The following NFIB variants were observed in gnomAD, a reference collection of about 807,000 sequenced individuals.
NFIB encodes the protein nuclear factor 1 B-type.
A neutral mutation model predicts 61.5 loss-of-function variants in NFIB; 11 were observed. The ratio of observed to expected loss-of-function variants is 0.18; its 90% CI spans 0.11 to 0.30. The LOEUF (loss-of-function observed/expected upper bound fraction) is 0.30. NFIB is among the 10% of genes least tolerant of loss of function. The probability of loss-of-function intolerance (pLI) is 1.00; values close to 1 mark genes in which losing one functional copy is unlikely to be tolerated. For missense variants in NFIB, 471 were observed against 608.9 expected (o/e 0.77, Z 2.38); for synonymous variants, 260 against 216.5 (o/e 1.20, Z -1.76).
chr9:14,322,197 A>G, intron 1 of NFIB: 1 of 1,006,890 alleles, frequency 9.9e-7, no homozygotes, highest in Non-Finnish European at 1.3e-6. Flanking sequence ...AGTCAAGTCT[A>G]AAAGCAGGCA....
intron 10 of NFIB, among the ~76,000 whole-genome samples, chr9:14,090,774 A>G (rs2033779082): frequency 6.6e-6 from 1 of 152,084 alleles, no homozygotes; most frequent in South Asian, 2.1e-4. Flanking sequence ...TGAGCTCAAG[A>G]AAGTCATTTG....
chr9:14,136,352 T>G (rs2041043799), intron 6 of NFIB, among the ~76,000 whole-genome samples: 1 of 152,084 alleles, frequency 6.6e-6, no homozygotes, highest in Admixed American at 6.6e-5. Flanking sequence ...CTGGCATAGG[T>G]AAATAGCTGC....
chr9:14,095,443 C>A (rs942423752), intron 10 of NFIB, among the ~76,000 whole-genome samples: 1 of 152,032 alleles, frequency 6.6e-6, no homozygotes, highest in Admixed American at 6.6e-5. Context: ...AGTGGAGAAG[C>A]CCACATGTTG....
chr9:14,175,476 C>T (rs924160344), intron 3 of NFIB, among the ~76,000 whole-genome samples: 7 of 151,976 alleles, frequency 4.6e-5, no homozygotes, highest in Admixed American at 6.6e-5. Flanking sequence ...GCCCAGCCAG[C>T]GACTTAAAGA....
chr9:14,111,363 G>A (rs1463630376), intron 10 of NFIB, among the ~76,000 whole-genome samples: 3 of 152,162 alleles, frequency 2.0e-5, no homozygotes, highest in African/African-American at 7.2e-5. Flanking sequence ...GAGGAGGAAG[G>A]CTGCCTCCAA....
intron 10 of NFIB, among the ~76,000 whole-genome samples, chr9:14,103,349 G>T (rs139589640): frequency 9.5e-5 from 14 of 147,194 alleles, no homozygotes; most frequent in African/African-American, 2.2e-4. Context: ...GGTTGGGGGG[G>T]GGGAAACACA....
chr9:14,133,303 C>T (rs1175114923), intron 6 of NFIB, among the ~76,000 whole-genome samples: 1 of 152,108 alleles, frequency 6.6e-6, no homozygotes, highest in Non-Finnish European at 1.5e-5. Context: ...CATTGAAACT[C>T]TGTCAAGCAA....
At chr9:14,127,404 C>T (rs1435776278) in intron 6 of NFIB, among the ~76,000 whole-genome samples, 1 of 152,106 alleles carries the variant, frequency 6.6e-6, no homozygotes, top group African/African-American at 2.4e-5. Flanking sequence ...TCCTCACGTA[C>T]CGATAACCCA....
At chr9:14,488,039 G>C in the NFIB span, among the ~76,000 whole-genome samples, 3 of 152,102 alleles carry the variant, frequency 2.0e-5, no homozygotes, top group African/African-American at 2.4e-5. Context: ...AGGAGCAGCA[G>C]GTTCAGGAAG....
rs531953410 is a variant in NFIB, at chr9:14,251,882, GC to G, written c.562+55106del. Among the ~76,000 whole-genome samples the G allele has an allele frequency of 3.1e-4, 47 of 152,268 alleles. 2 individuals are homozygous for G. The South Asian group carries it at 9.3e-3, about 30-fold the overall frequency. ...GGAAAACAACAGAAAACTGGTTTTG[GC>G]TTTCACTTATATTATATTACTCGAG... On this transcript the variant is annotated intron_variant, in intron 2 of 10. Coordinates refer to ENST00000380953, the MANE Select transcript of NFIB (RefSeq NM_001190737.2).
At position 14,099,631 on chromosome 9, in the gene NFIB, A is replaced by G. The variant is rs185195132; in HGVS notation, c.1468-11305T>C. ...ATTTATTCTGAACTGCATCACACCT[A>G]GATTTTAAGAACTGTCAGCATTGGA... On this transcript the variant is annotated intron_variant, in intron 10 of 10. Coordinates refer to ENST00000380953, the MANE Select transcript of NFIB (RefSeq NM_001190737.2). Among the ~76,000 whole-genome samples the G allele has an allele frequency of 2.0e-5, 3 of 152,366 alleles. No homozygotes were observed. The East Asian group carries it at 5.8e-4, about 29-fold the overall frequency.
rs1324078002 is a variant in NFIB, at chr9:14,146,817, T to C, written c.807-10A>G. On this transcript the variant is annotated splice_polypyrimidine_tract_variant and intron_variant, in intron 5 of 10. Coordinates refer to ENST00000380953, the MANE Select transcript of NFIB (RefSeq NM_001190737.2). ...AGTTTTGGGTCTTTTGCTGTTAAAA[T>C]ATGGCAATAGTTATATTAATGGGAT... The C allele has an allele frequency of 8.1e-6, 13 of 1,603,512 alleles. No individual in the cohort carries two copies. The highest frequency in any genetic ancestry group is 1.1e-5 in the Non-Finnish European group (13 of 1,177,324).
At chr9:14,518,309 T>C in the NFIB span, among the ~76,000 whole-genome samples, 14 of 152,320 alleles carry the variant, frequency 9.2e-5, no homozygotes, top group East Asian at 1.2e-3. Flanking sequence ...AGGCAACTCA[T>C]GACTTGCTCC....
intron 7 of NFIB, among the ~76,000 whole-genome samples, chr9:14,124,878 T>G (rs141282025): frequency 1.3e-5 from 2 of 152,306 alleles, no homozygotes; most frequent in African/African-American, 4.8e-5. Flanking sequence ...TACCTTTTAT[T>G]CTCTGATTAC....
chr9:14,481,342 C>T, the NFIB span, among the ~76,000 whole-genome samples: 10 of 149,398 alleles, frequency 6.7e-5, no homozygotes, highest in Admixed American at 3.4e-4. Context: ...TTTAATAAGG[C>T]TTCCTTTGTT....
upstream of NFIB, among the ~76,000 whole-genome samples, chr9:14,399,603 C>T (rs1375104871): frequency 1.3e-5 from 2 of 151,966 alleles, no homozygotes; most frequent in African/African-American, 4.8e-5. Context: ...ATTTTGTCTC[C>T]CTGCCCCCAG....
At chr9:14,380,006 A>C (rs1309509655) in intron 1 of NFIB, among the ~76,000 whole-genome samples, 1 of 151,998 alleles carries the variant, frequency 6.6e-6, no homozygotes, top group Non-Finnish European at 1.5e-5. Context: ...TTAATTGAAG[A>C]AAACAAAGTC....
At chr9:14,349,867 TA>T (rs1008619952) in intron 1 of NFIB, among the ~76,000 whole-genome samples, 1 of 152,062 alleles carries the variant, frequency 6.6e-6, no homozygotes, top group African/African-American at 2.4e-5. Flanking sequence ...CCGCCTCCCT[TA>T]AAAAAAGTCA....
At chr9:14,505,046 G>T in the NFIB span, among the ~76,000 whole-genome samples, 1 of 152,164 alleles carries the variant, frequency 6.6e-6, no homozygotes, top group Non-Finnish European at 1.5e-5. Context: ...ATAAAGGGAC[G>T]CTGGATTATC....
Sources: gnomAD v4.1 joint callset for allele counts (sites outside exome capture counted in the v4.1 genomes callset) on GRCh38, gnomAD v4.1.1 for gene constraint, MANE v1.5 for transcripts, NCBI Gene and HGNC (gene_info 2026-07-23, HGNC 2026-07-21) for gene names.